The following CTNNA2 variants were observed in gnomAD, a reference collection of about 807,000 sequenced individuals.
CTNNA2 encodes catenin alpha-2.
In CTNNA2, 42 loss-of-function variants were observed where a neutral mutation model predicts 101.0. That is an observed-to-expected ratio of 0.42 (90% CI 0.32 to 0.54). The LOEUF (loss-of-function observed/expected upper bound fraction) is 0.54. CTNNA2 is among the 20% of genes least tolerant of loss of function. The pLI is 0.14. For synonymous variants in CTNNA2, 450 were observed against 456.4 expected (o/e 0.99, Z 0.18); for missense variants, 871 against 1,223.1 (o/e 0.71, Z 4.29).
chr2:80,477,900 G>A (rs1197364200), intron 9 of CTNNA2, among the ~76,000 whole-genome samples: 1 of 152,022 alleles, frequency 6.6e-6, no homozygotes, highest in African/African-American at 2.4e-5. Context: ...CCCCCTTTGG[G>A]TAGATATCCA....
chr2:80,187,046 T>C (rs1706175741), intron 7 of CTNNA2, among the ~76,000 whole-genome samples: 1 of 152,238 alleles, frequency 6.6e-6, no homozygotes, highest in African/African-American at 2.4e-5. Flanking sequence ...ATTTATTCAT[T>C]GATGACTTTT....
chr2:80,390,819 C>A (rs1488355948), intron 7 of CTNNA2, among the ~76,000 whole-genome samples: 1 of 151,862 alleles, frequency 6.6e-6, no homozygotes, highest in African/African-American at 2.4e-5. Flanking sequence ...GATTTATTTG[C>A]GTTAGTTTTG....
intron 4 of CTNNA2, among the ~76,000 whole-genome samples, chr2:79,388,066 T>C (rs1368274137): frequency 6.6e-6 from 1 of 152,162 alleles, no homozygotes; most frequent in Non-Finnish European, 1.5e-5. Flanking sequence ...TTTTACTCAA[T>C]CAGAACTGGC....
intron 7 of CTNNA2, among the ~76,000 whole-genome samples, chr2:79,979,871 A>G (rs185232945): frequency 6.6e-6 from 1 of 152,282 alleles, no homozygotes; most frequent in East Asian, 1.9e-4. Flanking sequence ...TATATAAAGC[A>G]AAACCTTTTA....
At chr2:79,201,315 T>G (rs901495719) in intron 2 of CTNNA2, among the ~76,000 whole-genome samples, 1 of 152,136 alleles carries the variant, frequency 6.6e-6, no homozygotes. Context: ...AAGGAGAAAT[T>G]AAGACCAGCT....
intron 7 of CTNNA2, among the ~76,000 whole-genome samples, chr2:79,985,503 C>T (rs930887734): frequency 6.6e-6 from 1 of 152,128 alleles, no homozygotes; most frequent in African/African-American, 2.4e-5. Context: ...GACCTAAACA[C>T]ACAGTACGTG....
intron 1 of CTNNA2, among the ~76,000 whole-genome samples, chr2:79,546,589 T>C (rs1049616006): frequency 6.6e-6 from 1 of 152,096 alleles, no homozygotes; most frequent in Non-Finnish European, 1.5e-5. Flanking sequence ...TAAAAATAGG[T>C]ACTAAGAATA....
At chr2:79,795,576 A>G (rs1443857859) in intron 3 of CTNNA2, among the ~76,000 whole-genome samples, 1 of 152,152 alleles carries the variant, frequency 6.6e-6, no homozygotes. Context: ...ATTATTAGCA[A>G]TTGTACTATT....
In CTNNA2 at chr2:79,773,429, A is replaced by T. The variant is rs1045858220; in HGVS notation, c.298+28847A>T. ...ATCAATCAATATATGTCTCCCGTTC[A>T]GAAATATGGGGACAGCTCGAAGCAG... On this transcript the variant is annotated intron_variant, in intron 3 of 18. Transcript: ENST00000402739. Among the ~76,000 whole-genome samples, 8 of 152,322 alleles carry T rather than the reference A, an allele frequency of 5.3e-5. No individual in the cohort carries two copies. The East Asian group carries it at 1.5e-3, about 29-fold the overall frequency.
intron 1 of CTNNA2, among the ~76,000 whole-genome samples, chr2:79,549,070 G>A (rs1327656088): frequency 6.6e-6 from 1 of 152,092 alleles, no homozygotes; most frequent in African/African-American, 2.4e-5. Context: ...AGAAACTCAG[G>A]CTTATTTCTG....
chr2:79,561,834 G>GT (rs1184544830), intron 1 of CTNNA2, among the ~76,000 whole-genome samples: 1 of 151,588 alleles, frequency 6.6e-6, no homozygotes, highest in Non-Finnish European at 1.5e-5. Context: ...AGTTATAATA[G>GT]TTTTTTATAT....
chr2:79,220,149 G>T (rs529610724), intron 2 of CTNNA2, among the ~76,000 whole-genome samples: 1 of 151,766 alleles, frequency 6.6e-6, no homozygotes, highest in Non-Finnish European at 1.5e-5. Context: ...CTCAAAATTG[G>T]CCGTATATAT....
At chr2:80,190,378 C>G (rs1010808594) in intron 7 of CTNNA2, among the ~76,000 whole-genome samples, 4 of 152,092 alleles carry the variant, frequency 2.6e-5, no homozygotes, top group Admixed American at 6.6e-5. Context: ...CTTCAACCAC[C>G]TGCAAACAGC....
In CTNNA2 at chr2:79,568,569, CCTGGGTGACA is replaced by C. The variant is rs530698160; in HGVS notation, c.-6+55363_-6+55372del. On this transcript the variant is annotated intron_variant, in intron 1 of 18. Transcript: ENST00000402739. ...GCCAAGATTGCGCCACTGCACTCCA[CCTGGGTGACA>C]GAGTGAGACTCCCTCTCAAAAAAAG... Among the ~76,000 whole-genome samples, 23 of 151,602 alleles carry C rather than the reference CCTGGGTGACA, an allele frequency of 1.5e-4. No individual in the cohort carries two copies. The South Asian group carries it at 4.8e-3, about 32-fold the overall frequency.
intron 3 of CTNNA2, among the ~76,000 whole-genome samples, chr2:79,324,399 G>A (rs946558457): frequency 2.0e-5 from 3 of 152,150 alleles, no homozygotes; most frequent in Middle Eastern, 3.2e-3. Context: ...TGGGGGCTGA[G>A]GCATAGTGGC....
At chr2:79,489,854 A>G (rs1215934399) in intron 4 of CTNNA2, among the ~76,000 whole-genome samples, 1 of 152,132 alleles carries the variant, frequency 6.6e-6, no homozygotes, top group Non-Finnish European at 1.5e-5. Flanking sequence ...CAGAGTGGGA[A>G]TATGTGGAGA....
intron 7 of CTNNA2, among the ~76,000 whole-genome samples, chr2:79,930,308 G>GAAAGAAAGAAAGAAAGAAAGAA (rs1558650989): frequency 1.7e-4 from 15 of 86,466 alleles, no homozygotes; most frequent in African/African-American, 7.4e-4. Context: ...AAGAAAGAAA[G>GAAAGAAAGAAAGAAAGAAAGAA]AAAGAAAGAA....
intron 7 of CTNNA2, among the ~76,000 whole-genome samples, chr2:80,044,181 A>G (rs1696365019): frequency 6.6e-6 from 1 of 152,220 alleles, no homozygotes; most frequent in African/African-American, 2.4e-5. Flanking sequence ...ATATATTAGT[A>G]TACAATTTAC....
intron 4 of CTNNA2, among the ~76,000 whole-genome samples, chr2:79,476,426 AC>A (rs1052405296): frequency 1.3e-5 from 2 of 152,178 alleles, no homozygotes; most frequent in African/African-American, 2.4e-5. Context: ...ACTTCTAAGA[AC>A]CATTAACCTA....
Sources: allele counts gnomAD v4.1 joint callset (sites outside exome capture counted in the v4.1 genomes callset), GRCh38; gene constraint gnomAD v4.1.1; transcripts MANE v1.5; gene names NCBI Gene and HGNC (gene_info 2026-07-23, HGNC 2026-07-21).